MAPKAP1: variants seen among roughly 807,000 people sequenced by gnomAD.
MAPKAP1 encodes target of rapamycin complex 2 subunit MAPKAP1.
A neutral mutation model predicts 65.7 loss-of-function variants in MAPKAP1; 20 were observed. The observed-to-expected ratio is 0.30, with a 90% CI of 0.21 to 0.44. The LOEUF is 0.44. Among genes scored for constraint, MAPKAP1 ranks in the 20% least tolerant of loss-of-function variants. The probability of loss-of-function intolerance (pLI) is 1.00; values close to 1 mark genes in which losing one functional copy is unlikely to be tolerated. For missense variants in MAPKAP1, 423 were observed against 648.0 expected (o/e 0.65, Z 3.77); for synonymous variants, 222 against 244.3 (o/e 0.91, Z 0.85).
intron 4 of MAPKAP1, among the ~76,000 whole-genome samples, chr9:125,642,665 G>T (rs924516520): frequency 6.6e-6 from 1 of 152,118 alleles, no homozygotes; most frequent in Admixed American, 6.6e-5. Context: ...ACCCATAAAG[G>T]TAGCAACCCC....
At chr9:125,682,283 A>G (rs898084491) in intron 1 of MAPKAP1, among the ~76,000 whole-genome samples, 2 of 152,212 alleles carry the variant, frequency 1.3e-5, no homozygotes, top group African/African-American at 2.4e-5. Context: ...CACTTTATCA[A>G]TGGACAACTC....
chr9:125,685,160 TCCTG>T, intron 1 of MAPKAP1, among the ~76,000 whole-genome samples: 1 of 152,034 alleles, frequency 6.6e-6, no homozygotes, highest in Middle Eastern at 3.4e-3. Context: ...GAAGGCAAAG[TCCTG>T]CCCTCATGGC....
At chr9:125,611,247 T>C (rs1832592429) in intron 4 of MAPKAP1, among the ~76,000 whole-genome samples, 1 of 152,196 alleles carries the variant, frequency 6.6e-6, no homozygotes, top group African/African-American at 2.4e-5. Flanking sequence ...ACCAAGCAGA[T>C]TTTTACAAGA....
intron 1 of MAPKAP1, among the ~76,000 whole-genome samples, chr9:125,693,721 G>GTATACACCCACATATACACA (rs1564620357): frequency 1.7e-5 from 1 of 58,920 alleles, no homozygotes; most frequent in African/African-American, 3.9e-5. Context: ...ATATATACAC[G>GTATACACCCACATATACACA]TATATACACA....
intron 1 of MAPKAP1, among the ~76,000 whole-genome samples, chr9:125,685,481 T>G (rs1588073469): frequency 6.6e-6 from 1 of 152,324 alleles, no homozygotes; most frequent in East Asian, 1.9e-4. Flanking sequence ...GGTGAGTCTG[T>G]AGGGCCTTAC....
At chr9:125,507,083 A>G (rs1012532974) in intron 7 of MAPKAP1, among the ~76,000 whole-genome samples, 7 of 152,248 alleles carry the variant, frequency 4.6e-5, no homozygotes, top group African/African-American at 1.7e-4. Flanking sequence ...TTGTTGAAAC[A>G]TTTATGAAAA....
At chr9:125,448,093 C>G (rs1040848823) in intron 10 of MAPKAP1, among the ~76,000 whole-genome samples, 3 of 152,126 alleles carry the variant, frequency 2.0e-5, no homozygotes, top group Non-Finnish European at 2.9e-5. Flanking sequence ...AGGGTGTTCT[C>G]CCTGGTTCCC....
At chr9:125,443,875 T>G (rs1852596742) in intron 11 of MAPKAP1, among the ~76,000 whole-genome samples, 1 of 152,116 alleles carries the variant, frequency 6.6e-6, no homozygotes, top group Non-Finnish European at 1.5e-5. Context: ...CAGTTTACTG[T>G]GACACACCCA....
chr9:125,609,910 T>C (rs1832550730), intron 4 of MAPKAP1, among the ~76,000 whole-genome samples: 1 of 152,170 alleles, frequency 6.6e-6, no homozygotes, highest in Admixed American at 6.5e-5. Context: ...CTTTTGATCT[T>C]CAAAACAGCC....
chr9:125,496,620 G>A (rs1202364755), intron 8 of MAPKAP1, among the ~76,000 whole-genome samples: 1 of 152,148 alleles, frequency 6.6e-6, no homozygotes, highest in Non-Finnish European at 1.5e-5. Context: ...CTGGCACAGA[G>A]CACACGCAGG....
At chr9:125,639,596 G>C (rs931229607) in intron 4 of MAPKAP1, among the ~76,000 whole-genome samples, 7 of 152,156 alleles carry the variant, frequency 4.6e-5, no homozygotes, top group Non-Finnish European at 7.3e-5. Flanking sequence ...ACAGGGAAGT[G>C]GGGGAGAGAG....
In MAPKAP1 at chr9:125,631,296, C is replaced by T. The variant is rs569316587; in HGVS notation, c.498+26355G>A. ...AAAAACCTTTTTGTTTTATAAACTA[C>T]TCAGTCTCCAGCATTTTGTTATAGC... On this transcript the variant is annotated intron_variant, in intron 4 of 11. Coordinates refer to ENST00000265960, the MANE Select transcript of MAPKAP1 (RefSeq NM_001006617.3). 8.5e-5 allele frequency among the ~76,000 whole-genome samples: 13 copies of T among 152,320 alleles called. No individual in the cohort carries two copies. In the East Asian group the frequency reaches 2.1e-3, roughly 25 times the overall value.
chr9:125,448,905 T>C (rs1321816507), intron 10 of MAPKAP1, among the ~76,000 whole-genome samples: 1 of 149,946 alleles, frequency 6.7e-6, no homozygotes, highest in African/African-American at 2.5e-5. Context: ...CTTGGGAGGC[T>C]GAGGCAGGAG....
At chr9:125,579,258 A>G (rs1831543107) in intron 5 of MAPKAP1, among the ~76,000 whole-genome samples, 1 of 152,220 alleles carries the variant, frequency 6.6e-6, no homozygotes, top group South Asian at 2.1e-4. Context: ...GTCTACTACC[A>G]TAGACAGTTT....
intron 5 of MAPKAP1, among the ~76,000 whole-genome samples, chr9:125,564,316 A>G (rs963514268): frequency 2.0e-5 from 3 of 152,262 alleles, no homozygotes; most frequent in Non-Finnish European, 4.4e-5. Context: ...AAGACTAGAA[A>G]TAAATGTAAT....
At chr9:125,458,917 C>T (rs1853325950) in intron 10 of MAPKAP1, among the ~76,000 whole-genome samples, 3 of 44,614 alleles carry the variant, frequency 6.7e-5, no homozygotes, top group Admixed American at 5.1e-4. Flanking sequence ...GGGGGGCTGA[C>T]CCCCCCACCT....
chr9:125,451,770 A>G (rs1041268724), intron 10 of MAPKAP1, among the ~76,000 whole-genome samples: 1 of 143,844 alleles, frequency 7.0e-6, no homozygotes, highest in Non-Finnish European at 1.5e-5. Flanking sequence ...CCTTCTTTTG[A>G]TCATGTCTTC....
intron 1 of MAPKAP1, among the ~76,000 whole-genome samples, chr9:125,674,047 T>C (rs947509985): frequency 1.8e-4 from 28 of 151,936 alleles, no homozygotes; most frequent in African/African-American, 5.6e-4. Context: ...ACAAAGAAAA[T>C]ATTGCAGGAC....
At chr9:125,471,207 C>T (rs1853907753) in intron 9 of MAPKAP1, 1 of 152,334 alleles carries the variant, frequency 6.6e-6, no homozygotes, top group African/African-American at 2.4e-5. Context: ...CAGCCCTCTT[C>T]CTGAGCACCC....
Sources: allele counts gnomAD v4.1 joint callset (sites outside exome capture counted in the v4.1 genomes callset), GRCh38; gene constraint gnomAD v4.1.1; transcripts MANE v1.5; gene names NCBI Gene and HGNC (gene_info 2026-07-23, HGNC 2026-07-21).